TNPO3: variants seen among roughly 807,000 people sequenced by gnomAD.
TNPO3 encodes transportin-3.
Under a neutral mutation model 122.8 loss-of-function variants are expected in TNPO3, and 65 were observed. The observed-to-expected ratio is 0.53, with a 90% CI of 0.43 to 0.65. TNPO3 has a LOEUF of 0.65. TNPO3 is among the 30% of genes least tolerant of loss of function. TNPO3 has a pLI of 0.00. For synonymous variants in TNPO3, 372 were observed against 411.2 expected (o/e 0.90, Z 1.15); for missense variants, 850 against 1,136.7 (o/e 0.75, Z 3.63).
intron 1 of TNPO3, among the ~76,000 whole-genome samples, chr7:129,038,747 C>T (rs189161992): frequency 9.2e-5 from 14 of 152,242 alleles, no homozygotes; most frequent in African/African-American, 2.9e-4. Context: ...AACCAAATAC[C>T]ACATGTTCTT....
chr7:128,962,883 A>C (rs764043949), intron 21 of TNPO3, among the ~76,000 whole-genome samples: 4 of 152,090 alleles, frequency 2.6e-5, no homozygotes, highest in Non-Finnish European at 5.9e-5. Flanking sequence ...ATCCTAAATT[A>C]GGAAAGGATA....
At chr7:128,993,012 C>T (rs1371680898) in intron 9 of TNPO3, among the ~76,000 whole-genome samples, 4 of 151,720 alleles carry the variant, frequency 2.6e-5, no homozygotes, top group Non-Finnish European at 5.9e-5. Context: ...TTCTAAGAAT[C>T]CTCAACTCTT....
At position 128,982,309 on chromosome 7, in the gene TNPO3, G is replaced by A. The variant is rs1799705059; in HGVS notation, c.1798C>T (p.Pro600Ser). The A allele has an allele frequency of 6.2e-7, 1 of 1,612,932 alleles. No individual in the cohort carries two copies. Among genetic ancestry groups the A allele is most frequent in the Admixed American group, 1.7e-5 (1 of 59,966 alleles). The change falls in exon 14 of 23, where the codon CCC becomes TCC. Residue 600 changes from proline to serine, a missense_variant. By Grantham distance (74) the Pro-to-Ser change is moderately conservative. Transcript: ENST00000265388. ...GGATCTGAGGATATGCCATTGCTGG[G>A]CTCTTGAGACAACAGCTGAAGAGAC... ...MALKKLLSQE[P>S]SNGISSDPTV...
chr7:129,015,053 G>C lies in TNPO3; in HGVS notation c.478C>G (p.Arg160Gly). The change falls in exon 4 of 23, where the codon CGA (arginine) becomes GGA (glycine). Residue 160 changes from arginine to glycine, a missense_variant. Coordinates refer to ENST00000265388, the MANE Select transcript of TNPO3 (RefSeq NM_012470.4). ...TCTGTGCGCCGATTAGCTCCAATTC[G>C]TAAGGAACGACTATGTACTTCTTCA... is the stretch of plus-strand genomic sequence containing the variant. ...LPEEVHSRSL[R>G]IGANRRTEII... 1 of 1,612,934 alleles carries C rather than the reference G, an allele frequency of 6.2e-7. No individual in the cohort carries two copies. The highest frequency in any genetic ancestry group is 8.5e-7 in the Non-Finnish European group (1 of 1,179,810).
At chr7:129,021,406 T>C (rs935264162) in intron 1 of TNPO3, among the ~76,000 whole-genome samples, 2 of 147,954 alleles carry the variant, frequency 1.4e-5, no homozygotes, top group African/African-American at 5.0e-5. Context: ...CCCAATCCAA[T>C]AGCCAGTAAG....
At chr7:128,971,294 C>T (rs1798463834) in intron 19 of TNPO3, among the ~76,000 whole-genome samples, 1 of 151,950 alleles carries the variant, frequency 6.6e-6, no homozygotes, top group African/African-American at 2.4e-5. Context: ...TACAGGCATA[C>T]ACTACCACAC....
chr7:129,005,048 T>C lies in TNPO3; in HGVS notation c.664A>G (p.Asn222Asp). ...TCAAAAAGGAGTGCTAGTAATTTAT[T>C]GTTAGCCATGAAGTTACTGTCCAAA... ...GVLDSNFMAN[N>D]KLLALLFEVL... Residue 222 changes from asparagine (N) to aspartate (D), a missense_variant, in exon 5 of 23, where the codon AAT (asparagine) becomes GAT (aspartate). Physicochemically the swap from Asn to Asp is conservative, Grantham distance 23. Transcript: ENST00000265388. 1 of 1,613,764 alleles carries C rather than the reference T, an allele frequency of 6.2e-7. No homozygotes were observed. Among genetic ancestry groups the C allele is most frequent in the Non-Finnish European group, 8.5e-7 (1 of 1,179,830 alleles).
In TNPO3 at chr7:129,020,256, C is replaced by T. The variant is rs114112892; in HGVS notation, c.121-2099G>A. Among the ~76,000 whole-genome samples the T allele has an allele frequency of 7.0e-3, 1,064 of 151,940 alleles. 12 individuals carry two copies. The highest frequency in any genetic ancestry group is 0.024 in the African/African-American group (1,012 of 41,422). On this transcript the variant is annotated intron_variant, in intron 1 of 22. Transcript: ENST00000265388. ...TTACTAATTTTTGTACTTTTTAGTC[C>T]AAACATCGTGTCTTAAATGTATTCA... is the stretch of plus-strand genomic sequence containing the variant.
At chr7:128,968,678 T>C (rs573891471) in intron 20 of TNPO3, among the ~76,000 whole-genome samples, 4 of 152,304 alleles carry the variant, frequency 2.6e-5, no homozygotes, top group Admixed American at 2.6e-4. Context: ...AACAGCTCCT[T>C]AATTCTTAAA....
intron 12 of TNPO3, among the ~76,000 whole-genome samples, chr7:128,984,662 C>CTGACATAA (rs1323328964): frequency 6.6e-6 from 1 of 152,110 alleles, no homozygotes; most frequent in African/African-American, 2.4e-5. Context: ...AAGAGAAATT[C>CTGACATAA]TGACATAATG....
intron 1 of TNPO3, among the ~76,000 whole-genome samples, chr7:129,052,098 G>A (rs1808850578): frequency 6.6e-6 from 1 of 152,186 alleles, no homozygotes; most frequent in Non-Finnish European, 1.5e-5. Context: ...ATGTGTTACT[G>A]CTGGATATTT....
chr7:128,997,378 A>G lies in TNPO3; in HGVS notation c.1158+11T>C. 1.2e-6 allele frequency: 2 copies of G among 1,613,456 alleles called. No individual in the cohort carries two copies. Among genetic ancestry groups the G allele is most frequent in the Non-Finnish European group, 1.7e-6 (2 of 1,179,738 alleles). On this transcript the variant is annotated intron_variant, in intron 8 of 22. Coordinates refer to ENST00000265388, the MANE Select transcript of TNPO3 (RefSeq NM_012470.4). ...AAATTAAGATTTGAAGAGGTAGAGA[A>G]GGGAACTTACATGGTCTGGTTCCAG... is the stretch of plus-strand genomic sequence containing the variant.
chr7:129,049,156 A>G (rs892767048), intron 1 of TNPO3, among the ~76,000 whole-genome samples: 1 of 152,220 alleles, frequency 6.6e-6, no homozygotes, highest in Non-Finnish European at 1.5e-5. Context: ...GTAAAAGCAG[A>G]GAAGAAAGTA....
At chr7:129,020,876 C>T (rs1804409205) in intron 1 of TNPO3, among the ~76,000 whole-genome samples, 7 of 152,110 alleles carry the variant, frequency 4.6e-5, no homozygotes. Flanking sequence ...ACAAGAACCC[C>T]AAAATATAAG....
In TNPO3 at chr7:128,987,249, T is replaced by C. The variant is rs1425151706; in HGVS notation, c.1499-329A>G. The stretch of plus-strand genomic sequence containing the variant: ...AATCCAGGTATTAAGAATATGGCAA[T>C]GTAAGAAAGAATGCAAAGCTCAGGG... On this transcript the variant is annotated intron_variant, in intron 11 of 22. Transcript: ENST00000265388. 3.3e-5 allele frequency among the ~76,000 whole-genome samples: 5 copies of C among 152,192 alleles called. No homozygotes were observed. The East Asian group carries it at 9.6e-4, about 29-fold the overall frequency.
Position 128,982,432 on chromosome 7 carries a change from T to A in TNPO3, c.1783-108A>T, listed in dbSNP as rs1359046846. 29 of 931,690 alleles carry A rather than the reference T, an allele frequency of 3.1e-5. No homozygotes were observed. The highest frequency in any genetic ancestry group is 9.7e-5 in the Admixed American group (4 of 41,234). The allele number at this position is 931,690 out of a possible 1,614,324, so 57.7% of individuals were successfully genotyped here. ...CTCAATCTCTGCTTATTTCCTTATA[T>A]AAAGTCCTAAAAGTATATAAACTCC... On this transcript the variant is annotated intron_variant, in intron 13 of 22. Transcript: ENST00000265388.
chr7:128,974,699 G>A (rs1446394836), intron 18 of TNPO3, among the ~76,000 whole-genome samples, 169 bp downstream of exon 18: 2 of 152,268 alleles, frequency 1.3e-5, no homozygotes, highest in South Asian at 2.1e-4. Context: ...AATACTCTGC[G>A]TCACTGCTGG....
chr7:128,964,494 C>T (rs1275342953), intron 21 of TNPO3, among the ~76,000 whole-genome samples: 1 of 152,064 alleles, frequency 6.6e-6, no homozygotes, highest in South Asian at 2.1e-4. Flanking sequence ...CACCACCACG[C>T]CCGGCTAATT....
rs925440009 is a variant in TNPO3, at chr7:128,975,811, A to G, written c.2178+8T>C. On this transcript the variant is annotated splice_region_variant and intron_variant, in intron 17 of 22. Coordinates refer to ENST00000265388, the MANE Select transcript of TNPO3 (RefSeq NM_012470.4). ...CTGATGCGTCTACACTCCTCATGGA[A>G]AAGATACCTGGAGCATGTCTAGCAG... 2.5e-6 allele frequency: 4 copies of G among 1,593,664 alleles called. No homozygotes were observed. The highest frequency in any genetic ancestry group is 3.4e-6 in the Non-Finnish European group (4 of 1,161,528).
Sources: gnomAD v4.1 joint callset for allele counts (sites outside exome capture counted in the v4.1 genomes callset) on GRCh38, gnomAD v4.1.1 for gene constraint, MANE v1.5 for transcripts, NCBI Gene and HGNC (gene_info 2026-07-23, HGNC 2026-07-21) for gene names.